The following CNGA1 variants were observed in gnomAD, a reference collection of about 807,000 sequenced individuals.
CNGA1 encodes the protein cyclic nucleotide-gated channel alpha-1.
Under a neutral mutation model 69.7 loss-of-function variants are expected in CNGA1, and 53 were observed. The ratio of observed to expected loss-of-function variants is 0.76; its 90% CI spans 0.61 to 0.96. CNGA1 has a LOEUF of 0.96. Among genes scored for constraint, CNGA1 ranks in the 40% least tolerant of loss-of-function variants. CNGA1 has a pLI of 0.00. For synonymous variants in CNGA1, 249 were observed against 283.5 expected, an observed-to-expected ratio of 0.88 and a Z score of 1.22; for missense variants, 739 against 811.2, an observed-to-expected ratio of 0.91 and a Z score of 1.08.
At chr4:47,958,115 T>C (rs1740202772) in intron 3 of CNGA1, among the ~76,000 whole-genome samples, 1 of 151,990 alleles carries the variant, frequency 6.6e-6, no homozygotes, top group Admixed American at 6.6e-5. Context: ...AGGATGGTCT[T>C]GATCTCCTGA....
chr4:47,989,014 G>T (rs552047714), intron 2 of CNGA1, among the ~76,000 whole-genome samples: 1 of 152,210 alleles, frequency 6.6e-6, no homozygotes, highest in East Asian at 1.9e-4. Flanking sequence ...GCTAGACACT[G>T]GGCAAGGGAG....
intron 6 of CNGA1, among the ~76,000 whole-genome samples, chr4:47,945,171 C>T (rs2119208): frequency 0.83 from 126,238 of 151,934 alleles, 52,622 homozygotes; most frequent in East Asian, 0.98. Flanking sequence ...AAGACCAGCC[C>T]GGGCAACATA....
rs12504554 is a variant in CNGA1 at position 47,946,520 on chromosome 4, G to A, written c.288-3108C>T. ...GACAGCCTTGAGGGACCTGGATCAC[G>A]TGGACATTTCTCAGAGCACCACATT... On this transcript the variant is annotated intron_variant, in intron 6 of 10. Transcript: ENST00000514170. Among the ~76,000 whole-genome samples, 846 of 152,266 alleles carry A rather than the reference G, an allele frequency of 5.6e-3. 7 individuals carry two copies. Among genetic ancestry groups the A allele is most frequent in the Non-Finnish European group, 8.3e-3 (565 of 68,024 alleles).
chr4:47,962,156 C>T (rs1226817269), intron 3 of CNGA1, among the ~76,000 whole-genome samples: 5 of 151,938 alleles, frequency 3.3e-5, no homozygotes, highest in Admixed American at 2.6e-4. Context: ...CCATCCTGGC[C>T]AACATAGTGA....
chr4:47,937,642 G>A lies in CNGA1; in HGVS notation c.840C>T (p.Phe280=). 1 of 1,614,134 alleles carries A rather than the reference G, an allele frequency of 6.2e-7. No individual in the cohort carries two copies. The highest frequency in any genetic ancestry group is 8.5e-7 in the Non-Finnish European group (1 of 1,180,006). Residue 280 remains phenylalanine (F), a synonymous_variant, in exon 11 of 11, where the codon TTC becomes TTT. Coordinates refer to ENST00000514170, the MANE Select transcript of CNGA1 (RefSeq NM_001379270.1). ...RLLRFSRMFE[F]FQRTETRTNY... The stretch of plus-strand genomic sequence containing the variant: ...TTGTCCTTGTTTCTGTTCTCTGGAA[G>A]AACTCAAACATACGAGAGAACCGTA...
intron 1 of CNGA1, among the ~76,000 whole-genome samples, chr4:48,014,713 G>C (rs1177907438): frequency 1.3e-5 from 2 of 152,108 alleles, no homozygotes; most frequent in Non-Finnish European, 2.9e-5. Flanking sequence ...GATTTATAAA[G>C]CAAATATTTA....
chr4:47,974,070 AGATAGATAGAT>A (rs1362826123), intron 3 of CNGA1, among the ~76,000 whole-genome samples: 1 of 15,044 alleles, frequency 6.6e-5, no homozygotes, highest in Non-Finnish European at 1.4e-4. Flanking sequence ...CCTGGTCTCT[AGATAGATAGAT>A]AGATAGATAG....
intron 3 of CNGA1, among the ~76,000 whole-genome samples, chr4:47,957,651 A>T (rs1740168535): frequency 6.6e-6 from 1 of 152,116 alleles, no homozygotes; most frequent in South Asian, 2.1e-4. Flanking sequence ...AAATGGAAAT[A>T]AGAAAATCAC....
In CNGA1 at chr4:48,011,086, C is replaced by T. The variant is rs1006158474; in HGVS notation, c.-222-193G>A. 1.3e-4 allele frequency among the ~76,000 whole-genome samples: 19 copies of T among 151,986 alleles called. 1 individual carries two copies. The highest frequency in any genetic ancestry group is 2.9e-5 in the Non-Finnish European group (2 of 68,026). On this transcript the variant is annotated intron_variant, in intron 1 of 10. Coordinates refer to ENST00000514170, the MANE Select transcript of CNGA1 (RefSeq NM_001379270.1). ...GCAGCAGATGGCTATTTCTTTACCTCCTGTTTTTGCCTAATTAGCATTTTA... is the reference window on the plus strand; with the variant it reads ...GCAGCAGATGGCTATTTCTTTACCTTCTGTTTTTGCCTAATTAGCATTTTA...
At chr4:47,980,477 T>TTC (rs1318114304) in intron 3 of CNGA1, among the ~76,000 whole-genome samples, 6 of 128,758 alleles carry the variant, frequency 4.7e-5, no homozygotes, top group African/African-American at 8.1e-5. Context: ...TCTTTCTTTT[T>TTC]TTTTTTTTTT....
chr4:47,962,510 C>T (rs766555112), intron 3 of CNGA1, among the ~76,000 whole-genome samples: 7 of 152,078 alleles, frequency 4.6e-5, no homozygotes, highest in Non-Finnish European at 1.0e-4. Flanking sequence ...ATATGCCAGA[C>T]ATAAAGCACT....
chr4:47,981,113 G>T (rs1440480931), intron 3 of CNGA1, among the ~76,000 whole-genome samples: 1 of 152,076 alleles, frequency 6.6e-6, no homozygotes, highest in East Asian at 1.9e-4. Flanking sequence ...ACCTGTCAAA[G>T]GTATTGTTTT....
intron 6 of CNGA1, among the ~76,000 whole-genome samples, chr4:47,946,570 C>G (rs897991808): frequency 6.6e-6 from 1 of 152,178 alleles, no homozygotes; most frequent in African/African-American, 2.4e-5. Context: ...GCATCAATGG[C>G]ATTCTGTTAG....
chr4:47,955,089 T>C (rs1168546003), intron 3 of CNGA1, among the ~76,000 whole-genome samples: 1 of 152,154 alleles, frequency 6.6e-6, no homozygotes, highest in Non-Finnish European at 1.5e-5. Flanking sequence ...TTAACAGTTT[T>C]GTGTACATGC....
intron 2 of CNGA1, among the ~76,000 whole-genome samples, chr4:47,983,646 G>A (rs1046130667): frequency 6.6e-6 from 1 of 151,984 alleles, no homozygotes; most frequent in African/African-American, 2.4e-5. Flanking sequence ...AAGAGAATAA[G>A]CCCCTTGCCT....
At chr4:47,965,753 A>G (rs1345005693) in intron 3 of CNGA1, among the ~76,000 whole-genome samples, 1 of 151,826 alleles carries the variant, frequency 6.6e-6, no homozygotes, top group Non-Finnish European at 1.5e-5. Flanking sequence ...TTTATATGCT[A>G]CTGGGTCCCA....
chr4:47,946,532 C>T (rs938219874), intron 6 of CNGA1, among the ~76,000 whole-genome samples: 3 of 152,218 alleles, frequency 2.0e-5, no homozygotes, highest in African/African-American at 7.2e-5. Flanking sequence ...GGACATTTCT[C>T]AGAGCACCAC....
At chr4:48,004,519 G>A (rs1714817837) in intron 2 of CNGA1, among the ~76,000 whole-genome samples, 1 of 152,154 alleles carries the variant, frequency 6.6e-6, no homozygotes, top group African/African-American at 2.4e-5. Context: ...TGCGTCTCTA[G>A]TCTGAGGTTT....
At chr4:47,960,033 CTT>C (rs1325514288) in intron 3 of CNGA1, among the ~76,000 whole-genome samples, 4 of 152,088 alleles carry the variant, frequency 2.6e-5, no homozygotes, top group Non-Finnish European at 1.5e-5. Context: ...TCTGACAAGA[CTT>C]ATATACATAA....
Sources: allele counts gnomAD v4.1 joint callset (sites outside exome capture counted in the v4.1 genomes callset), GRCh38; gene constraint gnomAD v4.1.1; transcripts MANE v1.5; gene names NCBI Gene and HGNC (gene_info 2026-07-23, HGNC 2026-07-21).